SNTB1: variants seen among roughly 807,000 people sequenced by gnomAD.
The protein encoded by SNTB1 is syntrophin beta 1.
In SNTB1, 36 loss-of-function variants were observed where a neutral mutation model predicts 48.9. That is an observed-to-expected ratio of 0.74 (90% CI 0.56 to 0.97). SNTB1 has a LOEUF of 0.97. Among genes scored for constraint, SNTB1 ranks in the 50% least tolerant of loss-of-function variants. The pLI, the probability that SNTB1 is intolerant of heterozygous loss-of-function variation, is 0.00. For missense variants in SNTB1, 786 were observed against 703.4 expected (o/e 1.12, Z -1.33); for synonymous variants, 299 against 294.6 (o/e 1.01, Z -0.15).
At chr8:120,578,334 G>A (rs1563822105) in intron 3 of SNTB1, among the ~76,000 whole-genome samples, 4 of 151,970 alleles carry the variant, frequency 2.6e-5, no homozygotes, top group African/African-American at 7.3e-5. Context: ...TGCTACATAC[G>A]CTTCATTATT....
intron 2 of SNTB1, among the ~76,000 whole-genome samples, chr8:120,644,078 G>C (rs1303615882): frequency 2.0e-5 from 3 of 152,052 alleles, no homozygotes; most frequent in Non-Finnish European, 2.9e-5. Context: ...AAGCCTGTTA[G>C]CAAATGTAGA....
chr8:120,588,958 T>A (rs1399784753), intron 3 of SNTB1, among the ~76,000 whole-genome samples: 1 of 152,172 alleles, frequency 6.6e-6, no homozygotes, highest in African/African-American at 2.4e-5. Context: ...TAAGCATCGA[T>A]TACCATCACT....
intron 2 of SNTB1, among the ~76,000 whole-genome samples, chr8:120,678,687 C>T (rs1489943162): frequency 6.6e-6 from 1 of 152,208 alleles, no homozygotes; most frequent in African/African-American, 2.4e-5. Context: ...TGTGGATTAA[C>T]CACATTTTCT....
rs1301805919 is a variant in SNTB1, at chr8:120,811,324, C to G, written c.520G>C (p.Asp174His). 6.2e-7 allele frequency: 1 copy of G among 1,611,270 alleles called. No individual in the cohort carries two copies. Among genetic ancestry groups the G allele is most frequent in the Non-Finnish European group, 8.5e-7 (1 of 1,179,724 alleles). The change falls in exon 1 of 7, where the codon GAC (aspartate) becomes CAC (histidine). Residue 174 changes from aspartate to histidine, a missense_variant. By Grantham distance (81) the Asp-to-His change is moderately conservative (BLOSUM62 -1). Transcript: ENST00000517992. ...CGCTTCAACGCCTGCACCGCCTCGT[C>G]GTGGGTGGCGTCCCGCAGGTCGGCT... ...NGADLRDATH[D>H]EAVQALKRAG...
intron 1 of SNTB1, among the ~76,000 whole-genome samples, chr8:120,800,346 A>G (rs1235680573): frequency 6.6e-6 from 1 of 152,140 alleles, no homozygotes; most frequent in Non-Finnish European, 1.5e-5. Flanking sequence ...GAAAGTGCTG[A>G]AGGAAAGCAA....
chr8:120,807,820 C>T (rs1451579506), intron 1 of SNTB1, among the ~76,000 whole-genome samples: 1 of 152,216 alleles, frequency 6.6e-6, no homozygotes, highest in East Asian at 1.9e-4. Context: ...AAACTCAGAG[C>T]ATCAGTATTG....
chr8:120,733,460 A>C (rs1365830630), intron 1 of SNTB1, among the ~76,000 whole-genome samples: 5 of 152,268 alleles, frequency 3.3e-5, no homozygotes, highest in Non-Finnish European at 7.3e-5. Context: ...AGCTCCAAGC[A>C]ATAGATCTTT....
intron 2 of SNTB1, among the ~76,000 whole-genome samples, chr8:120,636,640 C>T (rs1416935900): frequency 2.7e-5 from 4 of 150,742 alleles, no homozygotes; most frequent in Non-Finnish European, 4.4e-5. Context: ...TCCAGTCCAT[C>T]ATTGTTGGAC....
chr8:120,598,409 T>G (rs1816362130), intron 3 of SNTB1, among the ~76,000 whole-genome samples: 1 of 152,238 alleles, frequency 6.6e-6, no homozygotes, highest in African/African-American at 2.4e-5. Context: ...ATTCACAGAC[T>G]TTCTCCAAAC....
chr8:120,667,940 T>C (rs1246101119), intron 2 of SNTB1, among the ~76,000 whole-genome samples: 1 of 152,154 alleles, frequency 6.6e-6, no homozygotes, highest in Non-Finnish European at 1.5e-5. Flanking sequence ...AGGACAGGCA[T>C]TATTTCTGGC....
At chr8:120,637,794 G>T in intron 2 of SNTB1, 1 of 325,414 alleles carries the variant, frequency 3.1e-6, no homozygotes, top group Non-Finnish European at 6.1e-6. Flanking sequence ...TCTCTACATG[G>T]ACTTCTTTGA....
intron 2 of SNTB1, among the ~76,000 whole-genome samples, chr8:120,634,363 T>C (rs529011825): frequency 6.6e-6 from 1 of 152,272 alleles, no homozygotes; most frequent in South Asian, 2.1e-4. Context: ...GTATTACATA[T>C]AATGCTTCTA....
intron 1 of SNTB1, among the ~76,000 whole-genome samples, chr8:120,720,076 T>A (rs1281848371): frequency 6.6e-6 from 1 of 152,198 alleles, no homozygotes; most frequent in Non-Finnish European, 1.5e-5. Flanking sequence ...ATGCAGTAAA[T>A]ACATGGGTTA....
At position 120,627,138 on chromosome 8, in the gene SNTB1, T is replaced by C. The variant is rs191543128; in HGVS notation, c.996+5306A>G. Among the ~76,000 whole-genome samples, 399 of 152,288 alleles carry C rather than the reference T, an allele frequency of 2.6e-3. 2 individuals are homozygous for C. Among genetic ancestry groups the C allele is most frequent in the Admixed American group, 5.8e-3 (89 of 15,292 alleles). ...ATAGATTTTGAAAGAAGCGATGTGA[T>C]TGGTCACCAGTCAGGATGTACATCT... is the stretch of plus-strand genomic sequence containing the variant. On this transcript the variant is annotated intron_variant, in intron 3 of 6. Coordinates refer to ENST00000517992, the MANE Select transcript of SNTB1 (RefSeq NM_021021.4).
At chr8:120,634,804 T>G (rs866875946) in intron 2 of SNTB1, among the ~76,000 whole-genome samples, 13 of 152,330 alleles carry the variant, frequency 8.5e-5, no homozygotes, top group Middle Eastern at 3.4e-3. Context: ...GAGAGATGAT[T>G]TGGAAAGTGA....
At chr8:120,708,447 A>G (rs539732590) in intron 1 of SNTB1, among the ~76,000 whole-genome samples, 74 of 152,220 alleles carry the variant, frequency 4.9e-4, no homozygotes, top group Admixed American at 1.4e-3. Flanking sequence ...GTCTCCCCAA[A>G]TTATTCCACG....
intron 2 of SNTB1, among the ~76,000 whole-genome samples, chr8:120,662,139 C>T (rs1040786775): frequency 2.6e-5 from 4 of 152,082 alleles, no homozygotes; most frequent in African/African-American, 9.7e-5. Flanking sequence ...ATTTTCATTA[C>T]CTGACTGATT....
intron 1 of SNTB1, among the ~76,000 whole-genome samples, chr8:120,721,714 C>A (rs1818661298): frequency 6.6e-6 from 1 of 151,620 alleles, no homozygotes; most frequent in Non-Finnish European, 1.5e-5. Context: ...ACTTTGAGAC[C>A]ATTAGTTTAT....
At chr8:120,619,051 C>T (rs1252339101) in intron 3 of SNTB1, among the ~76,000 whole-genome samples, 1 of 152,136 alleles carries the variant, frequency 6.6e-6, no homozygotes, top group Non-Finnish European at 1.5e-5. Flanking sequence ...CTAAAGCCAT[C>T]AAGAACCCTA....
Sources: gnomAD v4.1 joint callset for allele counts (sites outside exome capture counted in the v4.1 genomes callset) on GRCh38, gnomAD v4.1.1 for gene constraint, MANE v1.5 for transcripts, NCBI Gene and HGNC (gene_info 2026-07-23, HGNC 2026-07-21) for gene names.